HIF1A: variants seen among roughly 807,000 people sequenced by gnomAD.
The protein encoded by HIF1A is hypoxia-inducible factor 1-alpha.
HIF1A carries 24 observed loss-of-function variants against 92.7 expected under a neutral mutation model. That is an observed-to-expected ratio of 0.26 (90% CI 0.19 to 0.36). HIF1A has a LOEUF of 0.36. HIF1A is among the 10% of genes least tolerant of loss of function. HIF1A has a pLI of 1.00. For synonymous variants in HIF1A, 319 were observed against 338.7 expected (o/e 0.94, Z 0.64); for missense variants, 799 against 998.5 (o/e 0.80, Z 2.69).
At chr14:61,741,743 A>G (rs2140157770) in intron 12 of HIF1A, among the ~76,000 whole-genome samples, 1 of 152,318 alleles carries the variant, frequency 6.6e-6, no homozygotes, top group East Asian at 1.9e-4. Flanking sequence ...CACCTTTAAA[A>G]TAAAATCCAG....
At chr14:61,708,708 C>T (rs1429948671) in intron 1 of HIF1A, among the ~76,000 whole-genome samples, 2 of 152,098 alleles carry the variant, frequency 1.3e-5, no homozygotes, top group African/African-American at 2.4e-5. Context: ...TTACTGCATC[C>T]TTGTAGTATA....
intron 5 of HIF1A, 32 bp from the exon 6 acceptor site, chr14:61,727,420 AT>A (rs1343309118): frequency 1.1e-4 from 164 of 1,501,742 alleles, no homozygotes; most frequent in Non-Finnish European, 1.3e-4. Context: ...CATTGTAAAT[AT>A]TTTTTTTAAC....
chr14:61,708,323 C>T (rs2044266443), intron 1 of HIF1A, among the ~76,000 whole-genome samples: 1 of 152,162 alleles, frequency 6.6e-6, no homozygotes, highest in Middle Eastern at 3.2e-3. Flanking sequence ...TCCTATTTGT[C>T]AATTTTGGCT....
At chr14:61,716,617 C>A (rs1214153473) in intron 1 of HIF1A, among the ~76,000 whole-genome samples, 1 of 151,844 alleles carries the variant, frequency 6.6e-6, no homozygotes, top group Non-Finnish European at 1.5e-5. Context: ...TTAATTTTTA[C>A]TGACCTACTA....
At chr14:61,744,908 C>A in intron 13 of HIF1A, 95 bp downstream of exon 13, 1 of 536,952 alleles carries the variant, frequency 1.9e-6, no homozygotes, top group Non-Finnish European at 3.3e-6. Context: ...CACGTTTCTT[C>A]CAAATAGTAA....
chr14:61,715,999 C>A (rs1474231411), intron 1 of HIF1A, among the ~76,000 whole-genome samples: 3 of 152,112 alleles, frequency 2.0e-5, no homozygotes, highest in African/African-American at 7.2e-5. Flanking sequence ...GACTCTGTCT[C>A]TAAAATAAAA....
intron 9 of HIF1A, among the ~76,000 whole-genome samples, chr14:61,737,470 A>G (rs529174908): frequency 1.3e-5 from 2 of 152,346 alleles, no homozygotes; most frequent in African/African-American, 4.8e-5. Context: ...TAGTCATACT[A>G]TAACATCAAG....
chr14:61,699,129 T>A (rs932115329), intron 1 of HIF1A, among the ~76,000 whole-genome samples: 6 of 152,202 alleles, frequency 3.9e-5, no homozygotes, highest in African/African-American at 1.4e-4. Flanking sequence ...AAGGCAAGAC[T>A]TCAAGCTTGT....
chr14:61,714,255 A>C (rs559462580), intron 1 of HIF1A, among the ~76,000 whole-genome samples: 1 of 152,222 alleles, frequency 6.6e-6, no homozygotes, highest in Non-Finnish European at 1.5e-5. Context: ...AGTCTTATGC[A>C]AACAGCAAGA....
rs1185903250 is a variant in HIF1A at position 61,738,353 on chromosome 14, A to G, written c.1516A>G (p.Thr506Ala). 2 of 1,608,666 alleles carry G rather than the reference A, an allele frequency of 1.2e-6. No individual in the cohort carries two copies. Among genetic ancestry groups the G allele is most frequent in the African/African-American group, 1.3e-5 (1 of 74,684 alleles). Residue 506 changes from threonine to alanine, a missense_variant, in exon 10 of 15, where the codon ACT becomes GCT. Transcript: ENST00000337138. The part of the protein sequence containing the change: ...DQTPSPSDGS[T>A]RQSSPEPNSP... ...GACACCTAGTCCTTCCGATGGAAGC[A>G]CTAGACAAAGTTCACCTGAGGTAGG... is the stretch of plus-strand genomic sequence containing the variant.
intron 6 of HIF1A, among the ~76,000 whole-genome samples, chr14:61,730,457 C>T (rs2044563021): frequency 6.6e-6 from 1 of 152,118 alleles, no homozygotes; most frequent in South Asian, 2.1e-4. Context: ...GATCCCCCTA[C>T]CTACTTCTTC....
At chr14:61,713,871 T>G (rs1247446733) in intron 1 of HIF1A, among the ~76,000 whole-genome samples, 1 of 151,992 alleles carries the variant, frequency 6.6e-6, no homozygotes, top group Non-Finnish European at 1.5e-5. Context: ...TGTCTCCAGG[T>G]AGATAGTGTT....
chr14:61,736,987 C>G lies in HIF1A; in HGVS notation c.1127C>G (p.Thr376Ser). ...GATATGAAAATGACTCAGCTATTCACCAAAGTTGAATCAGAAGATACAAGT... is the reference window on the plus strand; with the variant it reads ...GATATGAAAATGACTCAGCTATTCAGCAAAGTTGAATCAGAAGATACAAGT... ...SSDMKMTQLF[T>S]KVESEDTSSL... Residue 376 changes from threonine to serine, a missense_variant, in exon 9 of 15, where the codon ACC becomes AGC. Physicochemically the swap from Thr to Ser is moderately conservative, Grantham distance 58 (BLOSUM62 1). Transcript: ENST00000337138. 6.2e-7 allele frequency: 1 copy of G among 1,613,278 alleles called. No homozygotes were observed. The highest frequency in any genetic ancestry group is 8.5e-7 in the Non-Finnish European group (1 of 1,179,200).
At chr14:61,719,506 A>T (rs1275500098) in intron 1 of HIF1A, among the ~76,000 whole-genome samples, 4 of 152,254 alleles carry the variant, frequency 2.6e-5, no homozygotes, top group Non-Finnish European at 1.5e-5. Flanking sequence ...GTACAGGGTA[A>T]TGTTGGCACA....
At chr14:61,731,433 T>C (rs547515167) in intron 6 of HIF1A, among the ~76,000 whole-genome samples, 1 of 152,328 alleles carries the variant, frequency 6.6e-6, no homozygotes, top group East Asian at 1.9e-4. Flanking sequence ...GCGAGCTAGA[T>C]AGGGTAATTG....
chr14:61,708,385 A>G (rs558044881), intron 1 of HIF1A, among the ~76,000 whole-genome samples: 9 of 152,288 alleles, frequency 5.9e-5, no homozygotes, highest in African/African-American at 2.2e-4. Context: ...GCCCATGCCT[A>G]TGTCCTGAAT....
intron 1 of HIF1A, among the ~76,000 whole-genome samples, chr14:61,711,986 G>A (rs538400535): frequency 2.0e-5 from 3 of 152,314 alleles, no homozygotes; most frequent in South Asian, 4.1e-4. Context: ...TGCTTGGGAT[G>A]TTCATTGAAC....
Position 61,695,563 on chromosome 14 carries a change from C to T in HIF1A, c.-242C>T. The T allele has an allele frequency of 5.2e-6, 3 of 580,812 alleles. No individual in the cohort carries two copies. The highest frequency in any genetic ancestry group is 9.2e-6 in the Non-Finnish European group (3 of 327,868). 36.0% of individuals were successfully genotyped at this position (580,812 alleles called of 1,614,324 possible). A position where few individuals can be genotyped will look rare whatever the true frequency, so the allele number is the denominator to read the frequency against. ...GGGACAGGAGGATCACCCTCTTCGTCGCTTCGGCCAGTGTGTCGGGCTGGG... is the reference window on the plus strand; with the variant it reads ...GGGACAGGAGGATCACCCTCTTCGTTGCTTCGGCCAGTGTGTCGGGCTGGG... On this transcript the variant is annotated 5_prime_UTR_variant, in exon 1 of 15. Transcript: ENST00000337138.
chr14:61,731,071 A>G (rs1027868597), intron 6 of HIF1A, among the ~76,000 whole-genome samples: 4 of 152,132 alleles, frequency 2.6e-5, no homozygotes, highest in Non-Finnish European at 5.9e-5. Context: ...GTAATAAACT[A>G]TGGAAGATCT....
Sources: allele counts gnomAD v4.1 joint callset (sites outside exome capture counted in the v4.1 genomes callset), GRCh38; gene constraint gnomAD v4.1.1; transcripts MANE v1.5; gene names NCBI Gene and HGNC (gene_info 2026-07-23, HGNC 2026-07-21).